PDE3A: variants seen among roughly 807,000 people sequenced by gnomAD.
PDE3A encodes cGMP-inhibited 3',5'-cyclic phosphodiesterase 3A.
Under a neutral mutation model 98.3 loss-of-function variants are expected in PDE3A, and 43 were observed. The observed-to-expected ratio is 0.44, with a 90% CI of 0.34 to 0.56. The LOEUF (loss-of-function observed/expected upper bound fraction) is 0.56. PDE3A is among the 20% of genes least tolerant of loss of function. The pLI is 0.01. For synonymous variants in PDE3A, 663 were observed against 567.9 expected, an observed-to-expected ratio of 1.17 and a Z score of -2.38; for missense variants, 1,427 against 1,440.7, an observed-to-expected ratio of 0.99 and a Z score of 0.15.
intron 1 of PDE3A, among the ~76,000 whole-genome samples, chr12:20,475,948 G>A (rs929482317): frequency 3.9e-5 from 6 of 152,268 alleles, no homozygotes; most frequent in Admixed American, 1.3e-4. Context: ...GACTGGGGGC[G>A]AGAAGCCATA....
intron 2 of PDE3A, among the ~76,000 whole-genome samples, chr12:20,576,695 A>T (rs1353278442): frequency 6.6e-6 from 1 of 152,162 alleles, no homozygotes; most frequent in Non-Finnish European, 1.5e-5. Context: ...CAATTTACGG[A>T]TATTCACGGA....
chr12:20,486,378 G>C (rs1316307393), intron 1 of PDE3A, among the ~76,000 whole-genome samples: 2 of 152,010 alleles, frequency 1.3e-5, no homozygotes, highest in Admixed American at 6.6e-5. Context: ...AATAGCATGG[G>C]GAAGCCATCC....
At chr12:20,408,163 C>A (rs1362348333) in intron 1 of PDE3A, among the ~76,000 whole-genome samples, 1 of 152,154 alleles carries the variant, frequency 6.6e-6, no homozygotes, top group Non-Finnish European at 1.5e-5. Context: ...TTGTGATCCA[C>A]CCGCTTCAGC....
At chr12:20,478,785 T>G (rs1188800110) in intron 1 of PDE3A, among the ~76,000 whole-genome samples, 1 of 152,202 alleles carries the variant, frequency 6.6e-6, no homozygotes, top group African/African-American at 2.4e-5. Flanking sequence ...TGGGCTGTAT[T>G]TCAACATTAT....
rs1942252667 is a variant in PDE3A at position 20,552,836 on chromosome 12, C to T, written c.961-3824C>T. 6 of 1,613,944 alleles carry T rather than the reference C, an allele frequency of 3.7e-6. No individual in the cohort carries two copies. The highest frequency in any genetic ancestry group is 2.2e-5 in the East Asian group (1 of 44,860). On this transcript the variant is annotated intron_variant, in intron 1 of 15. Coordinates refer to ENST00000359062, the MANE Select transcript of PDE3A (RefSeq NM_000921.5). This position sits in a 1 kb window ranked among gnomAD's most constrained non-coding sequence, Gnocchi z 5.1. Reference sequence around the variant, plus strand: ...CAGGAGCTGGTGTTCCGGCCCATCACGACCGTGTGCCAGCACAACGTGTGC... The same window carrying T: ...CAGGAGCTGGTGTTCCGGCCCATCATGACCGTGTGCCAGCACAACGTGTGC...
At chr12:20,509,549 A>G (rs1416143687) in intron 1 of PDE3A, among the ~76,000 whole-genome samples, 1 of 152,118 alleles carries the variant, frequency 6.6e-6, no homozygotes, top group African/African-American at 2.4e-5. Flanking sequence ...AAAAACAGAT[A>G]TGAATAAGTT....
intron 1 of PDE3A, among the ~76,000 whole-genome samples, chr12:20,553,725 G>T (rs1267957932): frequency 1.3e-5 from 2 of 152,272 alleles, no homozygotes; most frequent in Non-Finnish European, 2.9e-5. Context: ...GCGTGTGGCT[G>T]ACGCTGTCCG....
At chr12:20,389,776 T>C (rs1485355654) in intron 1 of PDE3A, among the ~76,000 whole-genome samples, 1 of 152,012 alleles carries the variant, frequency 6.6e-6, no homozygotes, top group African/African-American at 2.4e-5. Flanking sequence ...CTAAATTTAA[T>C]GCTCAAATAC....
At chr12:20,460,666 G>T (rs1300835587) in intron 1 of PDE3A, among the ~76,000 whole-genome samples, 1 of 152,174 alleles carries the variant, frequency 6.6e-6, no homozygotes, top group African/African-American at 2.4e-5. Context: ...AAACATAGTA[G>T]TCTTCTCAAG....
At chr12:20,398,700 C>T (rs1804515174) in intron 1 of PDE3A, among the ~76,000 whole-genome samples, 1 of 152,042 alleles carries the variant, frequency 6.6e-6, no homozygotes, top group Admixed American at 6.6e-5. Context: ...TTAGCACCAA[C>T]GATTGGATAT....
intron 2 of PDE3A, among the ~76,000 whole-genome samples, chr12:20,582,193 T>C (rs966450610): frequency 4.0e-5 from 4 of 100,118 alleles, no homozygotes; most frequent in Admixed American, 1.1e-4. Context: ...ATGAAATTAT[T>C]ATTATCGTTG....
intron 1 of PDE3A, among the ~76,000 whole-genome samples, chr12:20,490,157 A>G (rs1010459889): frequency 2.0e-5 from 3 of 152,176 alleles, no homozygotes; most frequent in Non-Finnish European, 4.4e-5. Flanking sequence ...TTGAGTTTGT[A>G]TGATTTTTTC....
intron 1 of PDE3A, among the ~76,000 whole-genome samples, chr12:20,530,696 T>G (rs1165295784): frequency 6.6e-6 from 1 of 152,082 alleles, no homozygotes; most frequent in Non-Finnish European, 1.5e-5. Flanking sequence ...TTCCCCCTTT[T>G]CAAGCTAAAA....
At chr12:20,586,313 C>A (rs531901316) in intron 2 of PDE3A, among the ~76,000 whole-genome samples, 1 of 152,290 alleles carries the variant, frequency 6.6e-6, no homozygotes, top group South Asian at 2.1e-4. Context: ...TCTGAGCAAA[C>A]TTTCAAATTA....
At chr12:20,658,952 C>T (rs2121521909) in intron 15 of PDE3A, among the ~76,000 whole-genome samples, 1 of 152,190 alleles carries the variant, frequency 6.6e-6, no homozygotes. Flanking sequence ...AGAGAAATGG[C>T]AAGCCCATCT....
intron 2 of PDE3A, among the ~76,000 whole-genome samples, chr12:20,605,407 T>C (rs1162048060): frequency 2.0e-5 from 3 of 152,212 alleles, no homozygotes; most frequent in Non-Finnish European, 4.4e-5. Flanking sequence ...CAATAAGGAC[T>C]TTTCTAAGTC....
intron 2 of PDE3A, among the ~76,000 whole-genome samples, chr12:20,598,287 A>G (rs1297593933): frequency 1.3e-5 from 2 of 151,716 alleles, no homozygotes; most frequent in East Asian, 3.9e-4. Context: ...GGTCCAAGCA[A>G]TTCTCCTGCC....
In PDE3A at chr12:20,488,196, C is replaced by T. The variant is rs577401526; in HGVS notation, c.961-68464C>T. 4.6e-5 allele frequency among the ~76,000 whole-genome samples: 7 copies of T among 152,086 alleles called. No homozygotes were observed. The East Asian group carries it at 1.2e-3, about 25-fold the overall frequency. On this transcript the variant is annotated intron_variant, in intron 1 of 15. Transcript: ENST00000359062. ...CCTCCCAGTCAACCTCTCTCTTTTT[C>T]ACGTACTCTACCAACATCCCCACCC...
Position 20,686,329 on chromosome 12 carries a change from G to A in PDE3A, c.*6058G>A, listed in dbSNP as rs553774067. On this transcript the variant is annotated 3_prime_UTR_variant, in exon 16 of 16. Coordinates refer to ENST00000359062, the MANE Select transcript of PDE3A (RefSeq NM_000921.5). ...TGTTTTGTGTTGTTATAAAATAAAT[G>A]TTCTATTAATGTATATTTTATTTTA... 6.6e-6 allele frequency among the ~76,000 whole-genome samples: 1 copy of A among 152,178 alleles called. No homozygotes were observed. Among genetic ancestry groups the A allele is most frequent in the African/African-American group, 2.4e-5 (1 of 41,536 alleles).
Sources: allele counts gnomAD v4.1 joint callset (sites outside exome capture counted in the v4.1 genomes callset), GRCh38; gene constraint gnomAD v4.1.1; non-coding constraint Gnocchi (gnomAD v3.1); transcripts MANE v1.5; gene names NCBI Gene and HGNC (gene_info 2026-07-23, HGNC 2026-07-21).